Variants in AK5 observed in about 807,000 individuals in gnomAD.
AK5 encodes the protein adenylate kinase isoenzyme 5.
In AK5, 27 loss-of-function variants were observed where a neutral mutation model predicts 69.5. That is an observed-to-expected ratio of 0.39 (90% CI 0.29 to 0.54). AK5 has a LOEUF of 0.54. Among genes scored for constraint, AK5 ranks in the 20% least tolerant of loss-of-function variants. The probability of loss-of-function intolerance (pLI) is 0.71; values close to 1 mark genes in which losing one functional copy is unlikely to be tolerated. For missense variants in AK5, 531 were observed against 700.4 expected (o/e 0.76, Z 2.73); for synonymous variants, 260 against 244.4 (o/e 1.06, Z -0.60).
At chr1:77,459,974 C>T (rs1055421264) in intron 8 of AK5, among the ~76,000 whole-genome samples, 3 of 152,116 alleles carry the variant, frequency 2.0e-5, no homozygotes, top group African/African-American at 7.2e-5. Flanking sequence ...CACTGACATT[C>T]ATTGAAACCT....
chr1:77,457,982 G>C (rs75010072), intron 8 of AK5, among the ~76,000 whole-genome samples: 6,901 of 151,998 alleles, frequency 0.045, 396 homozygotes, highest in East Asian at 0.19. Context: ...AGCCCCTGTG[G>C]TCCCAGCTAC....
At chr1:77,526,074 G>A (rs1312806593) in intron 12 of AK5, among the ~76,000 whole-genome samples, 1 of 152,178 alleles carries the variant, frequency 6.6e-6, no homozygotes, top group Non-Finnish European at 1.5e-5. Flanking sequence ...TCCATGGATT[G>A]TTTTAGATTT....
chr1:77,376,775 A>G (rs997356010), intron 6 of AK5, among the ~76,000 whole-genome samples: 3 of 152,056 alleles, frequency 2.0e-5, no homozygotes, highest in Non-Finnish European at 4.4e-5. Context: ...CCTCCTGTCT[A>G]CAAAAAGATA....
At chr1:77,410,468 C>T (rs11162339) in intron 6 of AK5, among the ~76,000 whole-genome samples, 112,025 of 151,792 alleles carry the variant, frequency 0.74, 41,948 homozygotes, top group Non-Finnish European at 0.81. Context: ...TTAGTAGAGA[C>T]GGGGTTTTGC....
intron 13 of AK5, among the ~76,000 whole-genome samples, chr1:77,556,853 G>T (rs1004629603): frequency 4.6e-5 from 7 of 152,068 alleles, no homozygotes; most frequent in African/African-American, 1.7e-4. Flanking sequence ...TAAATATACA[G>T]ATTAAAGACC....
At chr1:77,358,635 A>G (rs1020552898) in intron 6 of AK5, among the ~76,000 whole-genome samples, 1 of 152,200 alleles carries the variant, frequency 6.6e-6, no homozygotes, top group African/African-American at 2.4e-5. Flanking sequence ...TTTTGACACA[A>G]GTAGAATTTT....
chr1:77,367,610 A>T (rs78709830), intron 6 of AK5, among the ~76,000 whole-genome samples: 31,112 of 55,230 alleles, frequency 0.56, 9,828 homozygotes, highest in East Asian at 0.63. Context: ...ATATATATGT[A>T]ATATATATGT....
At chr1:77,386,042 A>G (rs553011423) in intron 6 of AK5, among the ~76,000 whole-genome samples, 10 of 152,324 alleles carry the variant, frequency 6.6e-5, no homozygotes, top group South Asian at 2.1e-4. Flanking sequence ...AACTCTGTGT[A>G]TATATTACTT....
chr1:77,304,641 G>A (rs1307705174), intron 5 of AK5, among the ~76,000 whole-genome samples: 3 of 152,036 alleles, frequency 2.0e-5, no homozygotes, highest in Non-Finnish European at 4.4e-5. Context: ...CAGACCTCGG[G>A]TGATCCACCC....
At chr1:77,456,826 G>A (rs1434029510) in intron 8 of AK5, among the ~76,000 whole-genome samples, 1 of 151,798 alleles carries the variant, frequency 6.6e-6, no homozygotes, top group Admixed American at 6.6e-5. Context: ...CCTCTGTGTG[G>A]GCCTGGTTGA....
chr1:77,335,166 A>G (rs1661283102), intron 5 of AK5, among the ~76,000 whole-genome samples: 1 of 152,234 alleles, frequency 6.6e-6, no homozygotes, highest in South Asian at 2.1e-4. Context: ...GCAGTCTGAC[A>G]CAATGAATAT....
At chr1:77,357,992 A>AGTGT (rs10643921) in intron 6 of AK5, among the ~76,000 whole-genome samples, 2,537 of 121,128 alleles carry the variant, frequency 0.021, 88 homozygotes, top group African/African-American at 0.067. Flanking sequence ...TATGGAGAGT[A>AGTGT]GTGTGTGTGT....
At chr1:77,410,750 CT>C (rs138731360) in intron 6 of AK5, among the ~76,000 whole-genome samples, 4,331 of 152,050 alleles carry the variant, frequency 0.028, 107 homozygotes, top group East Asian at 0.12. Flanking sequence ...AAATATTACA[CT>C]TTTTTTTAAC....
chr1:77,409,008 G>A (rs756628817), intron 6 of AK5, among the ~76,000 whole-genome samples: 14 of 152,262 alleles, frequency 9.2e-5, no homozygotes, highest in Admixed American at 1.3e-4. Flanking sequence ...GTAAGGACAT[G>A]TGGTATTTGG....
chr1:77,339,365 T>C (rs980238263), intron 5 of AK5, among the ~76,000 whole-genome samples: 2 of 152,268 alleles, frequency 1.3e-5, no homozygotes, highest in Non-Finnish European at 2.9e-5. Flanking sequence ...AATGCAATGC[T>C]AGTTCTAATT....
rs548360641 is a variant in AK5 at position 77,282,078 on chromosome 1, T to C, written c.-236T>C. On this transcript the variant is annotated 5_prime_UTR_variant, in exon 1 of 14. Coordinates refer to ENST00000354567, the MANE Select transcript of AK5 (RefSeq NM_174858.3). ...GGCACAGCTGCTCGGCGCCTGCAGC[T>C]CCGGCTCGGGGGCTGGAACCGAAGC... 9 of 387,988 alleles carry C rather than the reference T, an allele frequency of 2.3e-5. No homozygotes were observed. In the South Asian group the frequency reaches 7.0e-4, roughly 30 times the overall value. The allele number at this position is 387,988 out of a possible 1,614,324, so 24.0% of individuals were successfully genotyped here.
At chr1:77,282,448 C>A (rs576780187) in intron 1 of AK5, 75 bp downstream of exon 1, 2 of 1,491,568 alleles carry the variant, frequency 1.3e-6, no homozygotes, top group Admixed American at 2.2e-5. Flanking sequence ...GGCAGCCGCG[C>A]CCCGTCCCAC....
chr1:77,419,630 T>C (rs9633479), intron 8 of AK5, among the ~76,000 whole-genome samples: 122,574 of 152,052 alleles, frequency 0.81, 49,771 homozygotes, highest in Middle Eastern at 0.9. Flanking sequence ...CTTGATAGAG[T>C]AGAGGAAATT....
At chr1:77,308,452 A>C (rs1478482429) in intron 5 of AK5, among the ~76,000 whole-genome samples, 4 of 135,828 alleles carry the variant, frequency 2.9e-5, no homozygotes, top group Admixed American at 8.0e-5. Context: ...AAAAAAAAAA[A>C]AAAAAATCTT....
Sources: gnomAD v4.1 joint callset for allele counts (sites outside exome capture counted in the v4.1 genomes callset) on GRCh38, gnomAD v4.1.1 for gene constraint, MANE v1.5 for transcripts, NCBI Gene and HGNC (gene_info 2026-07-23, HGNC 2026-07-21) for gene names.